The following SMARCE1 variants were observed in gnomAD, a reference collection of about 807,000 sequenced individuals.
SMARCE1 encodes SWI/SNF related BAF chromatin remodeling complex subunit E1, also known as SWI/SNF-related matrix-associated actin-dependent regulator of chromatin subfamily E member 1.
SMARCE1 carries 13 observed loss-of-function variants against 54.9 expected under a neutral mutation model. The ratio of observed to expected loss-of-function variants is 0.24; its 90% CI spans 0.15 to 0.38. SMARCE1 has a LOEUF of 0.38. SMARCE1 is among the 10% of genes least tolerant of loss of function. SMARCE1 has a pLI of 1.00. For missense variants in SMARCE1, 295 were observed against 523.8 expected, an observed-to-expected ratio of 0.56 and a Z score of 4.26; for synonymous variants, 151 against 175.3, an observed-to-expected ratio of 0.86 and a Z score of 1.10.
rs1178049897 is a variant in SMARCE1, at chr17:40,628,896, G to A, written c.1125C>T (p.Asp375=). ...CACTGGTTCCTTCCTCTGCCATACT[G>A]TCGACCCCCTCCTGCCCACTCTCCT... ...EDKESGQEGV[D]SMAEEGTSDS... is the part of the protein sequence containing the mutation. The change falls in exon 11 of 11, where the codon GAC becomes GAT. Residue 375 remains aspartate, a synonymous_variant. Transcript: ENST00000348513. 3.7e-6 allele frequency: 6 copies of A among 1,613,628 alleles called. No individual in the cohort carries two copies. In the South Asian group the frequency reaches 4.4e-5, roughly 12 times the overall value.
intron 10 of SMARCE1, chr17:40,629,582 A>G: frequency 8.9e-7 from 1 of 1,120,464 alleles, no homozygotes; most frequent in Non-Finnish European, 1.1e-6. Flanking sequence ...TAAGAAATTA[A>G]AAGCATGAGG....
chr17:40,630,927 A>C lies in SMARCE1; in HGVS notation c.817-3T>G. The C allele has an allele frequency of 6.2e-7, 1 of 1,609,072 alleles. No homozygotes were observed. Among genetic ancestry groups the C allele is most frequent in the Non-Finnish European group, 8.5e-7 (1 of 1,177,606 alleles). Reference sequence around the variant, plus strand: ...ACTTCTACTTTCAGACCGCACAACTAATCAGAAAAAAACAGAACTCCGTAA... The same window carrying C: ...ACTTCTACTTTCAGACCGCACAACTCATCAGAAAAAAACAGAACTCCGTAA... On this transcript the variant is annotated splice_polypyrimidine_tract_variant and splice_region_variant and intron_variant, in intron 9 of 10. Coordinates refer to ENST00000348513, the MANE Select transcript of SMARCE1 (RefSeq NM_003079.5).
chr17:40,642,207 T>C lies in SMARCE1; in HGVS notation c.156+248A>G, dbSNP rs2144008533. 8.3e-6 allele frequency: 5 copies of C among 602,324 alleles called. No individual in the cohort carries two copies. The East Asian group carries it at 1.4e-4, about 17-fold the overall frequency. The allele number at this position is 602,324 out of a possible 1,614,324, so 37.3% of individuals were successfully genotyped here. ...GTTTACATACAGTATAAGCATCAAGTGCTCAAGGCTTTAACCCTACCAACC... is the reference window on the plus strand; with the variant it reads ...GTTTACATACAGTATAAGCATCAAGCGCTCAAGGCTTTAACCCTACCAACC... On this transcript the variant is annotated intron_variant, in intron 4 of 10. Coordinates refer to ENST00000348513, the MANE Select transcript of SMARCE1 (RefSeq NM_003079.5). This position sits in a 1 kb window ranked among gnomAD's most constrained non-coding sequence, Gnocchi z 4.6.
Position 40,628,765 on chromosome 17 carries a change from C to A in SMARCE1, c.*20G>T, listed in dbSNP as rs2037059340. 1 of 1,585,294 alleles carries A rather than the reference C, an allele frequency of 6.3e-7. No homozygotes were observed. The highest frequency in any genetic ancestry group is 8.7e-7 in the Non-Finnish European group (1 of 1,154,880). On this transcript the variant is annotated 3_prime_UTR_variant, in exon 11 of 11. Coordinates refer to ENST00000348513, the MANE Select transcript of SMARCE1 (RefSeq NM_003079.5). ...TTTTCATTAAAAAAAGTATTTAGAA[C>A]ACACAAAACAAGGCAACACTTATTC...
intron 9 of SMARCE1, 48 bp downstream of exon 9, chr17:40,631,544 A>T (rs775917558): frequency 1.1e-6 from 1 of 915,664 alleles, no homozygotes; most frequent in Non-Finnish European, 1.7e-6. Flanking sequence ...GGAAAAATAA[A>T]GTAACAGGTA....
intron 3 of SMARCE1, 94 bp downstream of exon 3, chr17:40,645,482 C>T: frequency 4.6e-6 from 3 of 653,822 alleles, no homozygotes; most frequent in South Asian, 2.2e-5. Flanking sequence ...CATCCTGTTG[C>T]TGTGATGATT....
intron 1 of SMARCE1, 85 bp from the exon 2 acceptor site, chr17:40,645,932 T>A: frequency 2.3e-6 from 1 of 443,736 alleles, no homozygotes. Context: ...TAGGGTAATT[T>A]AATTGGTATT....
intron 10 of SMARCE1, chr17:40,629,461 TGA>T (rs1240427925): frequency 4.1e-6 from 4 of 979,032 alleles, no homozygotes; most frequent in African/African-American, 1.7e-5. Flanking sequence ...GGACAGTGAA[TGA>T]GAGTTAGTCT....
rs2143980837 is a variant in SMARCE1, at chr17:40,628,959, T to C, written c.1062A>G (p.Gln354=). The stretch of plus-strand genomic sequence containing the variant: ...TAGACGTGCCTTCTTCACCATTCTG[T>C]TGGCTCTCTGTTGTTTCTTCAAGGT... The part of the protein sequence containing the change: ...ETHLEETTES[Q]QNGEEGTSTP... The change falls in exon 11 of 11, where the codon CAA becomes CAG. Residue 354 remains glutamine (Q), a synonymous_variant. Transcript: ENST00000348513. 1.2e-6 allele frequency: 2 copies of C among 1,613,868 alleles called. No homozygotes were observed. The highest frequency in any genetic ancestry group is 8.5e-7 in the Non-Finnish European group (1 of 1,179,836).
At position 40,642,812 on chromosome 17, in the gene SMARCE1, T is replaced by A. The variant is rs1401185460; in HGVS notation, c.52-253A>T. The A allele has an allele frequency of 1.8e-5, 8 of 448,288 alleles. No individual in the cohort carries two copies. The highest frequency in any genetic ancestry group is 1.1e-4 in the South Asian group (3 of 26,982). 27.8% of individuals were successfully genotyped at this position (448,288 alleles called of 1,614,324 possible). A position where few individuals can be genotyped will look rare whatever the true frequency, so the allele number is the denominator to read the frequency against. ...GGGGCTGGGGGTGTTTGTGTGACTG[T>A]GAATGTGTGTTTTGTTTTTTGAGGT... On this transcript the variant is annotated intron_variant, in intron 3 of 10. Coordinates refer to ENST00000348513, the MANE Select transcript of SMARCE1 (RefSeq NM_003079.5). This position sits in a 1 kb window ranked among gnomAD's most constrained non-coding sequence, Gnocchi z 4.6.
chr17:40,641,405 C>T (rs1479501800), intron 4 of SMARCE1: 1 of 152,144 alleles, frequency 6.6e-6, no homozygotes, highest in Non-Finnish European at 1.5e-5. Context: ...AAAATTTAGA[C>T]AAACAAAACC....
chr17:40,646,778 T>C (rs974277681), intron 1 of SMARCE1, among the ~76,000 whole-genome samples: 5 of 152,220 alleles, frequency 3.3e-5, no homozygotes, highest in Non-Finnish European at 5.9e-5. Context: ...TTGGAGGTAT[T>C]TGCAACCAAA....
At chr17:40,643,610 A>T (rs1236206506) in intron 3 of SMARCE1, 1 of 152,222 alleles carries the variant, frequency 6.6e-6, no homozygotes, top group African/African-American at 2.4e-5. Flanking sequence ...AATTCAATCA[A>T]AATATGTGAC....
chr17:40,643,020 T>C (rs2037214951), intron 3 of SMARCE1: 1 of 152,946 alleles, frequency 6.5e-6, no homozygotes, highest in South Asian at 2.1e-4. Context: ...CACCAATGTA[T>C]TTATCTACTA....
intron 5 of SMARCE1, chr17:40,636,831 G>A (rs947956587): frequency 4.9e-6 from 1 of 205,966 alleles, no homozygotes; most frequent in African/African-American, 2.3e-5. Flanking sequence ...CAATAACATA[G>A]TCTACGTCTC....
At chr17:40,643,635 A>C (rs1238443636) in intron 3 of SMARCE1, 1 of 152,248 alleles carries the variant, frequency 6.6e-6, no homozygotes, top group East Asian at 1.9e-4. Flanking sequence ...TCATTTTTAC[A>C]TGCAATTAAC....
At chr17:40,632,874 C>T (rs957142691) in intron 7 of SMARCE1, 3 of 152,486 alleles carry the variant, frequency 2.0e-5, no homozygotes, top group African/African-American at 7.2e-5. Context: ...TTCAGTTTCC[C>T]AGGCCCTCAA....
At chr17:40,645,673 G>T in intron 2 of SMARCE1, 54 bp from the exon 3 acceptor site, 4 of 1,295,722 alleles carry the variant, frequency 3.1e-6, no homozygotes, top group Non-Finnish European at 4.2e-6. Flanking sequence ...ATAATACTAT[G>T]CAACAAAACT....
At chr17:40,637,397 A>C (rs1361982603) in intron 5 of SMARCE1, 95 bp downstream of exon 5, 4 of 999,218 alleles carry the variant, frequency 4.0e-6, no homozygotes, top group African/African-American at 1.6e-5. Flanking sequence ...CTGAATATGC[A>C]CAGAAAAGCT....
Sources: allele counts gnomAD v4.1 joint callset (sites outside exome capture counted in the v4.1 genomes callset), GRCh38; gene constraint gnomAD v4.1.1; non-coding constraint Gnocchi (gnomAD v3.1); transcripts MANE v1.5; gene names NCBI Gene and HGNC (gene_info 2026-07-23, HGNC 2026-07-21).